The following PTPRS variants were observed in gnomAD, a reference collection of about 807,000 sequenced individuals.
PTPRS encodes receptor-type tyrosine-protein phosphatase S.
A neutral mutation model predicts 215.3 loss-of-function variants in PTPRS; 63 were observed. The ratio of observed to expected loss-of-function variants is 0.29; its 90% CI spans 0.24 to 0.36. The LOEUF (loss-of-function observed/expected upper bound fraction) is 0.36. PTPRS is among the 10% of genes least tolerant of loss of function. The probability of loss-of-function intolerance (pLI) is 1.00; values close to 1 mark genes in which losing one functional copy is unlikely to be tolerated. For missense variants in PTPRS, 2,258 were observed against 2,825.8 expected (o/e 0.80, Z 4.56); for synonymous variants, 1,404 against 1,191.4 (o/e 1.18, Z -3.68).
intron 1 of PTPRS, among the ~76,000 whole-genome samples, chr19:5,323,905 G>C (rs745890249): frequency 6.6e-6 from 1 of 152,130 alleles, no homozygotes; most frequent in Non-Finnish European, 1.5e-5. Flanking sequence ...ATGGGAGCTG[G>C]ACCAGGTGGA....
At chr19:5,288,577 G>C (rs72983196) in intron 1 of PTPRS, among the ~76,000 whole-genome samples, 12,015 of 152,240 alleles carry the variant, frequency 0.079, 540 homozygotes, top group Middle Eastern at 0.11. Context: ...ACAGCGGCTG[G>C]CCCTGCCCAG....
intron 5 of PTPRS, among the ~76,000 whole-genome samples, chr19:5,263,808 G>A (rs896102612): frequency 2.0e-5 from 3 of 152,360 alleles, no homozygotes; most frequent in Admixed American, 6.5e-5. Flanking sequence ...GTGGGTGCAC[G>A]TGTGGCCGAG....
At chr19:5,284,617 G>C (rs1273302679) in intron 2 of PTPRS, among the ~76,000 whole-genome samples, 1 of 152,012 alleles carries the variant, frequency 6.6e-6, no homozygotes, top group Admixed American at 6.6e-5. Flanking sequence ...AGGGTGCGGT[G>C]GCTGATCTGA....
At chr19:5,332,497 G>A (rs778718030) in intron 1 of PTPRS, among the ~76,000 whole-genome samples, 4 of 152,210 alleles carry the variant, frequency 2.6e-5, no homozygotes, top group Non-Finnish European at 5.9e-5. Flanking sequence ...ATCTGGCCCT[G>A]GAGCCATTCA....
chr19:5,239,494 CAG>C (rs1175189442), intron 12 of PTPRS, among the ~76,000 whole-genome samples: 1 of 149,568 alleles, frequency 6.7e-6, no homozygotes, highest in Admixed American at 6.7e-5. Context: ...CAGAGACAGA[CAG>C]AAACAGGAGA....
chr19:5,258,204 T>A, intron 7 of PTPRS, 77 bp from the exon 8 acceptor site: 22 of 1,226,588 alleles, frequency 1.8e-5, no homozygotes, highest in Non-Finnish European at 2.2e-5. Flanking sequence ...CCCACCAGAG[T>A]GCTCTCTGGC....
At chr19:5,254,361 G>A (rs72983107) in intron 9 of PTPRS, among the ~76,000 whole-genome samples, 2,530 of 151,988 alleles carry the variant, frequency 0.017, 46 homozygotes, top group East Asian at 0.03. Context: ...CCTCAACATC[G>A]TCTAAACGGG....
At position 5,215,409 on chromosome 19, in the gene PTPRS, T is replaced by C; in HGVS notation, c.4198A>G (p.Ile1400Val). Residue 1400 changes from isoleucine to valine, a missense_variant, in exon 28 of 38, where the codon ATC (isoleucine) becomes GTC (valine). By Grantham distance (29) the Ile-to-Val change is conservative. Around this residue, in one of 6 missense-constraint regions of PTPRS, gnomAD observed 927 missense variants for 1,125.9 expected, o/e 0.82. Transcript: ENST00000262963. ...SLKLSQEYES[I>V]DPGQQFTWEH... is the part of the protein sequence containing the mutation. ...CATGTGAACTGCTGTCCAGGGTCGA[T>C]GGACTACAGAGGAAGGGGAGAGCGC... 2 of 1,612,940 alleles carry C rather than the reference T, an allele frequency of 1.2e-6. No homozygotes were observed. Among genetic ancestry groups the C allele is most frequent in the Non-Finnish European group, 8.5e-7 (1 of 1,179,664 alleles).
At chr19:5,230,636 GT>G (rs1274365777) in intron 14 of PTPRS, among the ~76,000 whole-genome samples, 3 of 152,154 alleles carry the variant, frequency 2.0e-5, no homozygotes, top group African/African-American at 7.2e-5. Context: ...TTTTAAAAAT[GT>G]TTTTGGAGGA....
At chr19:5,309,161 G>T (rs567030536) in intron 1 of PTPRS, among the ~76,000 whole-genome samples, 1 of 151,826 alleles carries the variant, frequency 6.6e-6, no homozygotes, top group South Asian at 2.1e-4. Context: ...AGGAAGGGGG[G>T]GTTGGCTGGC....
intron 4 of PTPRS, among the ~76,000 whole-genome samples, chr19:5,271,949 T>C (rs935117882): frequency 6.6e-6 from 1 of 151,492 alleles, no homozygotes; most frequent in African/African-American, 2.4e-5. Flanking sequence ...GGTCTTGAAC[T>C]CCTTGACCTC....
intron 17 of PTPRS, among the ~76,000 whole-genome samples, chr19:5,224,764 G>A (rs964167701): frequency 1.3e-5 from 2 of 152,186 alleles, no homozygotes; most frequent in Non-Finnish European, 2.9e-5. Context: ...ACAGGAGGCT[G>A]CTTGGAGGAG....
At chr19:5,318,646 T>C (rs535497006) in intron 1 of PTPRS, among the ~76,000 whole-genome samples, 1 of 151,830 alleles carries the variant, frequency 6.6e-6, no homozygotes. Context: ...TTGGTGGTGG[T>C]TGTTATTATT....
At chr19:5,305,663 A>G (rs570989273) in intron 1 of PTPRS, among the ~76,000 whole-genome samples, 1 of 151,722 alleles carries the variant, frequency 6.6e-6, no homozygotes, top group Non-Finnish European at 1.5e-5. Flanking sequence ...CAGGAGTTTG[A>G]GGCTGCAGTG....
chr19:5,281,396 G>C (rs983999155), intron 2 of PTPRS, among the ~76,000 whole-genome samples: 1 of 152,170 alleles, frequency 6.6e-6, no homozygotes, highest in African/African-American at 2.4e-5. Flanking sequence ...AGGAGGCAGA[G>C]GTTGCAGTGA....
intron 7 of PTPRS, among the ~76,000 whole-genome samples, chr19:5,260,357 T>G (rs1227659917): frequency 5.3e-5 from 8 of 151,994 alleles, no homozygotes; most frequent in Admixed American, 5.2e-4. Context: ...TTTTTGTGTT[T>G]TTAGTAGAGA....
intron 9 of PTPRS, among the ~76,000 whole-genome samples, chr19:5,254,706 C>T (rs937024261): frequency 1.3e-5 from 2 of 152,118 alleles, no homozygotes; most frequent in Admixed American, 1.3e-4. Context: ...GGACAAAAGA[C>T]GCCTGTGACC....
chr19:5,326,698 G>GA (rs531112080), intron 1 of PTPRS, among the ~76,000 whole-genome samples: 14 of 93,620 alleles, frequency 1.5e-4, no homozygotes, highest in South Asian at 1.0e-3. Flanking sequence ...GAAAAAGAAA[G>GA]AAAAAAAAAA....
chr19:5,222,667 G>A (rs755080240), intron 18 of PTPRS, 22 bp downstream of exon 18: 2 of 1,534,708 alleles, frequency 1.3e-6, no homozygotes, highest in East Asian at 2.4e-5. Context: ...CGGCTCTGGT[G>A]CAGGGGTCGC....
Sources: gnomAD v4.1 joint callset for allele counts (sites outside exome capture counted in the v4.1 genomes callset) on GRCh38, gnomAD v4.1.1 for gene constraint, gnomAD v4.1.1 regional missense constraint, MANE v1.5 for transcripts, NCBI Gene and HGNC (gene_info 2026-07-23, HGNC 2026-07-21) for gene names.